TNRC6B: variants seen among roughly 807,000 people sequenced by gnomAD.
TNRC6B encodes the protein trinucleotide repeat-containing gene 6B protein.
In TNRC6B, 52 loss-of-function variants were observed where a neutral mutation model predicts 203.6. The observed-to-expected ratio is 0.26, with a 90% CI of 0.20 to 0.32. The LOEUF (loss-of-function observed/expected upper bound fraction) is 0.32. Among genes scored for constraint, TNRC6B ranks in the 10% least tolerant of loss-of-function variants. TNRC6B has a pLI of 1.00. For missense variants in TNRC6B, 1,923 were observed against 2,286.2 expected (o/e 0.84, Z 3.24); for synonymous variants, 838 against 845.7 (o/e 0.99, Z 0.16).
At chr22:40,176,297 T>C (rs571569895), upstream of TNRC6B, among the ~76,000 whole-genome samples, 18 of 152,144 alleles carry the variant, frequency 1.2e-4, no homozygotes, top group African/African-American at 4.3e-4. Flanking sequence ...CTGGCTAATT[T>C]TGTATTTTTA....
chr22:40,177,138 G>C (rs761641324), upstream of TNRC6B, among the ~76,000 whole-genome samples: 3 of 152,274 alleles, frequency 2.0e-5, no homozygotes, highest in South Asian at 4.1e-4. Flanking sequence ...ATTAGGAGTG[G>C]TGGAAACCAG....
At chr22:40,064,041 T>A (rs6001739) in intron 1 of TNRC6B, among the ~76,000 whole-genome samples, 3,849 of 152,286 alleles carry the variant, frequency 0.025, 164 homozygotes, top group African/African-American at 0.087. Flanking sequence ...ACAATTTTAT[T>A]TTTGGTTTAT....
At chr22:40,248,016 A>G (rs1296886514) in intron 2 of TNRC6B, among the ~76,000 whole-genome samples, 1 of 151,726 alleles carries the variant, frequency 6.6e-6, no homozygotes, top group African/African-American at 2.4e-5. Context: ...GGGAGGTTGC[A>G]TTGAGTGGAG....
In TNRC6B at chr22:40,266,214, A is replaced by G; in HGVS notation, c.1984A>G (p.Asn662Asp). The G allele has an allele frequency of 6.2e-7, 1 of 1,610,140 alleles. No individual in the cohort carries two copies. The highest frequency in any genetic ancestry group is 1.3e-5 in the African/African-American group (1 of 74,954). ...GWESAATQTK[N>D]SGGWGDAPSQ... Reference sequence around the variant, plus strand: ...GGAGAGCGCTGCCACACAGACCAAGAACTCAGGGGGCTGGGGAGATGCACC... The same window carrying G: ...GGAGAGCGCTGCCACACAGACCAAGGACTCAGGGGGCTGGGGAGATGCACC... The change falls in exon 5 of 23, where the codon AAC becomes GAC. Residue 662 changes from asparagine (N) to aspartate (D), a missense_variant. Asn to Asp is a conservative substitution (Grantham distance 23). This residue lies in a region of TNRC6B where 38 missense variants were observed against 70.3 expected (regional missense o/e 0.54). Transcript: ENST00000454349.
chr22:40,122,069 G>T (rs955803618), intron 2 of TNRC6B, among the ~76,000 whole-genome samples: 2 of 152,186 alleles, frequency 1.3e-5, no homozygotes, highest in Non-Finnish European at 2.9e-5. Flanking sequence ...TTTAGTTCTT[G>T]TCTATTTATC....
intron 2 of TNRC6B, among the ~76,000 whole-genome samples, chr22:40,250,739 C>T (rs1044481026): frequency 4.6e-5 from 7 of 152,064 alleles, no homozygotes; most frequent in Non-Finnish European, 1.0e-4. Context: ...CGTCTGATGC[C>T]TCTGATGATG....
intron 12 of TNRC6B, among the ~76,000 whole-genome samples, chr22:40,290,463 C>T (rs2070855395): frequency 6.6e-6 from 1 of 152,200 alleles, no homozygotes; most frequent in Non-Finnish European, 1.5e-5. Flanking sequence ...ATCCCACCTC[C>T]CCACAAGTAC....
intron 1 of TNRC6B, among the ~76,000 whole-genome samples, chr22:40,189,758 T>C (rs1205590272): frequency 6.6e-6 from 1 of 152,218 alleles, no homozygotes; most frequent in Non-Finnish European, 1.5e-5. Context: ...CCAGGTCTCT[T>C]CAAACACTTT....
intron 7 of TNRC6B, among the ~76,000 whole-genome samples, chr22:40,275,174 C>T (rs934868279): frequency 5.3e-5 from 8 of 152,252 alleles, no homozygotes; most frequent in South Asian, 2.1e-4. Flanking sequence ...CAGTCACTTA[C>T]GGGTTTTCTT....
intron 1 of TNRC6B, among the ~76,000 whole-genome samples, chr22:40,188,338 T>G (rs1337897359): frequency 1.3e-5 from 2 of 152,230 alleles, no homozygotes; most frequent in East Asian, 3.8e-4. Flanking sequence ...ATAGAGAAGC[T>G]TATTTTTCTG....
chr22:40,124,409 ACCT>A (rs1283726236), intron 2 of TNRC6B, among the ~76,000 whole-genome samples: 2 of 144,728 alleles, frequency 1.4e-5, no homozygotes, highest in Non-Finnish European at 3.0e-5. Context: ...TGCAGCCTTG[ACCT>A]CCTGGACTCA....
upstream of TNRC6B, among the ~76,000 whole-genome samples, chr22:40,173,550 C>G (rs1243220327): frequency 6.7e-6 from 1 of 149,988 alleles, no homozygotes; most frequent in Admixed American, 6.7e-5. Flanking sequence ...GTAGCTAGGA[C>G]CACAGGCATA....
At chr22:40,303,905 G>A (rs761797529) in intron 15 of TNRC6B, among the ~76,000 whole-genome samples, 61 of 152,218 alleles carry the variant, frequency 4.0e-4, no homozygotes, top group Non-Finnish European at 6.5e-4. Flanking sequence ...GCAAGACTCC[G>A]TCTCAAAAAT....
Position 40,277,143 on chromosome 22 carries a change from G to A in TNRC6B, c.3208G>A (p.Gly1070Arg). 6.2e-7 allele frequency: 1 copy of A among 1,605,150 alleles called. No homozygotes were observed. The highest frequency in any genetic ancestry group is 8.5e-7 in the Non-Finnish European group (1 of 1,176,652). ...TCTTGCCAAACAGTTTTCAAATATG[G>A]GATTGCTGGTAAGTTTTATTTTTTT... ...NPLAKQFSNMGLLSQTEDNPS... is the reference protein window; with the variant it reads ...NPLAKQFSNMRLLSQTEDNPS... Residue 1070 changes from glycine to arginine, a missense_variant, in exon 8 of 23, where the codon GGA (glycine) becomes AGA (arginine). Transcript: ENST00000454349.
intron 4 of TNRC6B, among the ~76,000 whole-genome samples, chr22:40,170,886 TAC>T (rs1240305559): frequency 2.2e-5 from 3 of 137,586 alleles, no homozygotes; most frequent in African/African-American, 8.2e-5. Flanking sequence ...TATGTGTGTA[TAC>T]ATATATACCT....
intron 3 of TNRC6B, among the ~76,000 whole-genome samples, chr22:40,149,257 CAGAAAA>C (rs1343390767): frequency 6.6e-6 from 1 of 152,144 alleles, no homozygotes; most frequent in African/African-American, 2.4e-5. Flanking sequence ...AGAAGCCAGA[CAGAAAA>C]AGAGTACATA....
At chr22:40,193,061 G>A (rs369899038) in intron 1 of TNRC6B, among the ~76,000 whole-genome samples, 76 of 152,164 alleles carry the variant, frequency 5.0e-4, no homozygotes, top group African/African-American at 1.8e-3. Flanking sequence ...GCGCCCCAGC[G>A]GTCAGCTTGG....
rs547440724 is a variant in TNRC6B at position 40,321,384 on chromosome 22, A to AG, written c.5114+157dup. On this transcript the variant is annotated intron_variant, in intron 22 of 22. Coordinates refer to ENST00000454349, the MANE Select transcript of TNRC6B (RefSeq NM_001162501.2). ...CAAGTCTCGAGTGTGGAGAGTGTGG[A>AG]GGTGCCGGGTCTTTTCCACCAAAGC... 636 of 890,384 alleles carry AG rather than the reference A, an allele frequency of 7.1e-4. 10 individuals carry two copies. In the South Asian group the frequency reaches 9.9e-3, roughly 14 times the overall value. 55.2% of individuals were successfully genotyped at this position (890,384 alleles called of 1,614,324 possible). A position where few individuals can be genotyped will look rare whatever the true frequency, so the allele number is the denominator to read the frequency against.
At chr22:40,231,346 A>G (rs1365628539) in intron 1 of TNRC6B, among the ~76,000 whole-genome samples, 1 of 152,198 alleles carries the variant, frequency 6.6e-6, no homozygotes, top group Admixed American at 6.5e-5. Flanking sequence ...AGGATGATTG[A>G]CATCTTAATA....
Sources: gnomAD v4.1 joint callset for allele counts (sites outside exome capture counted in the v4.1 genomes callset) on GRCh38, gnomAD v4.1.1 for gene constraint, gnomAD v4.1.1 regional missense constraint, MANE v1.5 for transcripts, NCBI Gene and HGNC (gene_info 2026-07-23, HGNC 2026-07-21) for gene names.